Variants in ZNF888 observed in about 807,000 individuals in gnomAD.
ZNF888 encodes the protein zinc finger protein 888, also known as CTD-2331H12.6.
Under a neutral mutation model 7.2 loss-of-function variants are expected in ZNF888, and 5 were observed. That is an observed-to-expected ratio of 0.70 (90% CI 0.36 to 1.46). The LOEUF is 1.46. Ranked by LOEUF, ZNF888 falls within the 40% of genes most tolerant of loss-of-function variation. The pLI is 0.03. For synonymous variants in ZNF888, 240 were observed against 284.3 expected (o/e 0.84, Z 1.57); for missense variants, 716 against 858.0 (o/e 0.83, Z 2.07).
At chr19:52,916,627 T>TATATATATATATATATATATATAC (rs1431267956) in intron 3 of ZNF888, among the ~76,000 whole-genome samples, 1 of 142,142 alleles carries the variant, frequency 7.0e-6, no homozygotes, top group African/African-American at 2.8e-5. Context: ...TATATATATA[T>TATATATATATATATATATATATAC]ATATATATAT....
At chr19:52,922,454 G>A (rs2064832794) in intron 1 of ZNF888, among the ~76,000 whole-genome samples, 1 of 151,902 alleles carries the variant, frequency 6.6e-6, no homozygotes, top group Non-Finnish European at 1.5e-5. Context: ...ATTCTCATGA[G>A]CCTTTCTGTT....
Position 52,922,332 on chromosome 19 carries a change from C to T in ZNF888, c.-178+1037G>A, listed in dbSNP as rs191927720. 1.9e-3 allele frequency among the ~76,000 whole-genome samples: 287 copies of T among 152,038 alleles called. 5 individuals are homozygous for T. The highest frequency in any genetic ancestry group is 0.011 in the South Asian group (55 of 4,814). ...ATACCCCCCTGGCCCCACTCTCTGG[C>T]ACCCCAGATTTCCCAGGTGTCCTCC... On this transcript the variant is annotated intron_variant, in intron 1 of 4. Transcript: ENST00000638862.
At position 52,907,627 on chromosome 19, in the gene ZNF888, TG is replaced by T; in HGVS notation, c.694del (p.His232IlefsTer3). The T allele has an allele frequency of 6.2e-7, 1 of 1,601,908 alleles. No homozygotes were observed. Among genetic ancestry groups the T allele is most frequent in the Non-Finnish European group, 8.5e-7 (1 of 1,175,846 alleles). On this transcript the variant is annotated frameshift_variant, in exon 5 of 5. Transcript: ENST00000638862. LOFTEE classifies it low-confidence loss of function (END_TRUNC). ...TTTCTCTCCTAGATGAATTATCTGA[TG>T]TTTTTTAAAGAGTGAGCTACAATTA... ...SFNCSSLFKK[H>X]QIIHLGEKQY...
At chr19:52,909,542 C>T (rs1399395620) in intron 4 of ZNF888, among the ~76,000 whole-genome samples, 1 of 151,948 alleles carries the variant, frequency 6.6e-6, no homozygotes, top group Admixed American at 6.6e-5. Context: ...CCACTGCGCC[C>T]GGGGGCACTT....
At chr19:52,913,658 A>G (rs914666758) in intron 4 of ZNF888, 25 of 922,512 alleles carry the variant, frequency 2.7e-5, no homozygotes, top group Non-Finnish European at 3.1e-5. Context: ...TTATTATACT[A>G]TAAGTTTAAG....
chr19:52,915,049 A>T (rs2064728001), intron 4 of ZNF888, 147 bp downstream of exon 4: 2 of 1,346,516 alleles, frequency 1.5e-6, no homozygotes, highest in Admixed American at 5.5e-5. Context: ...GGGGACAGTG[A>T]AAGTCCAGAT....
intron 1 of ZNF888, among the ~76,000 whole-genome samples, chr19:52,919,954 T>C (rs1390298030): frequency 3.6e-5 from 2 of 56,100 alleles, no homozygotes; most frequent in African/African-American, 1.5e-4. Flanking sequence ...GAGGAGCCCC[T>C]CTGCCCGGCC....
chr19:52,916,623 TATATATATATATATATATAG>T (rs2064753900), intron 3 of ZNF888, among the ~76,000 whole-genome samples: 3 of 133,006 alleles, frequency 2.3e-5, no homozygotes, highest in Non-Finnish European at 4.7e-5. Flanking sequence ...TACATATATA[TATATATATATATATATATAG>T]GTTTTAAATA....
At chr19:52,919,359 C>G (rs1356396073) in intron 1 of ZNF888, among the ~76,000 whole-genome samples, 1 of 66,770 alleles carries the variant, frequency 1.5e-5, no homozygotes, top group African/African-American at 4.7e-5. Context: ...TTGGTGGAGA[C>G]GGGGTTTCGC....
At position 52,906,235 on chromosome 19, in the gene ZNF888, CCA is replaced by C. The variant is rs778534692; in HGVS notation, c.2085_2086del (p.Cys695TrpfsTer23). The C allele has an allele frequency of 1.7e-5, 28 of 1,610,140 alleles. No homozygotes were observed. Among genetic ancestry groups the C allele is most frequent in the Non-Finnish European group, 2.4e-5 (28 of 1,177,858 alleles). On this transcript the variant is annotated frameshift_variant, in exon 5 of 5. Transcript: ENST00000638862. LOFTEE classifies it low-confidence loss of function (END_TRUNC). ...TGTTGACTGTGCACGAAAGGCTTTG[CCA>C]CACTCACTACACTTGAAAGGTTTCT...
At chr19:52,912,251 C>T (rs534579579) in intron 4 of ZNF888, among the ~76,000 whole-genome samples, 8 of 150,454 alleles carry the variant, frequency 5.3e-5, no homozygotes, top group African/African-American at 1.7e-4. Context: ...GTAGCTGGGA[C>T]TACAGGCACC....
intron 4 of ZNF888, among the ~76,000 whole-genome samples, chr19:52,913,525 A>T (rs535928915): frequency 6.6e-6 from 1 of 152,064 alleles, no homozygotes; most frequent in Non-Finnish European, 1.5e-5. Flanking sequence ...AAGTTTCAGC[A>T]TGTTAGCTAG....
In ZNF888 at chr19:52,908,034, A is replaced by C; in HGVS notation, c.288T>G (p.Phe96Leu). 1.2e-6 allele frequency: 2 copies of C among 1,614,142 alleles called. No individual in the cohort carries two copies. The highest frequency in any genetic ancestry group is 1.3e-5 in the African/African-American group (1 of 75,050). Residue 96 changes from phenylalanine (F) to leucine (L), a missense_variant, in exon 5 of 5, where the codon TTT becomes TTG. By Grantham distance (22) the Phe-to-Leu change is conservative. Transcript: ENST00000638862. ...TTTCATCTTCTTGCCACTGAAACAC[A>C]AAGTCATGAATGTCTTTCTCAATTT... is the stretch of plus-strand genomic sequence containing the variant. ...FQEIEKDIHD[F>L]VFQWQEDETN...
chr19:52,923,027 G>A (rs548462612), intron 1 of ZNF888, among the ~76,000 whole-genome samples: 18 of 152,304 alleles, frequency 1.2e-4, no homozygotes, highest in Middle Eastern at 3.4e-3. Flanking sequence ...AGGGGCCGAC[G>A]AGGGTGAGGC....
rs1328166632 is a variant in ZNF888, at chr19:52,919,296, C to T, written c.-177-359G>A. Among the ~76,000 whole-genome samples the T allele has an allele frequency of 4.3e-4, 26 of 59,788 alleles. 10 individuals are homozygous for T. The highest frequency in any genetic ancestry group is 1.3e-3 in the Admixed American group (6 of 4,464). 39.2% of individuals were successfully genotyped at this position (59,788 alleles called of 152,430 possible). ...GATTCTCCTGCCTCAGCCTGCCGAG[C>T]GCCTGCGATTGCGGGCGCGCGCCGC... On this transcript the variant is annotated intron_variant, in intron 1 of 4. Transcript: ENST00000638862.
intron 4 of ZNF888, among the ~76,000 whole-genome samples, chr19:52,914,978 C>A (rs2064727285): frequency 6.6e-6 from 1 of 152,124 alleles, no homozygotes; most frequent in African/African-American, 2.4e-5. Flanking sequence ...AAGTTTTATG[C>A]CTACTTTAGT....
chr19:52,908,012 C>G lies in ZNF888; in HGVS notation c.310G>C (p.Glu104Gln). Residue 104 changes from glutamate (E) to glutamine (Q), a missense_variant, in exon 5 of 5, where the codon GAA becomes CAA. Physicochemically the swap from Glu to Gln is conservative, Grantham distance 29. This residue lies in a region of ZNF888 where 697 missense variants were observed against 803.4 expected (regional missense o/e 0.87). Transcript: ENST00000638862. ...ATGGGTGCTTCATGGCCATTTGTTTCATCTTCTTGCCACTGAAACACAAAG... is the reference window on the plus strand; with the variant it reads ...ATGGGTGCTTCATGGCCATTTGTTTGATCTTCTTGCCACTGAAACACAAAG... Reference protein sequence around the residue: ...HDFVFQWQEDETNGHEAPMTE... With the variant: ...HDFVFQWQEDQTNGHEAPMTE... 1 of 1,614,098 alleles carries G rather than the reference C, an allele frequency of 6.2e-7. No homozygotes were observed. Among genetic ancestry groups the G allele is most frequent in the Non-Finnish European group, 8.5e-7 (1 of 1,180,000 alleles).
chr19:52,914,704 C>T (rs2064723885), intron 4 of ZNF888, among the ~76,000 whole-genome samples: 1 of 152,160 alleles, frequency 6.6e-6, no homozygotes, highest in Admixed American at 6.5e-5. Flanking sequence ...TCTTGCTCTG[C>T]CATCTGGGCT....
Position 52,920,038 on chromosome 19 carries a change from G to A in ZNF888, c.-177-1101C>T, listed in dbSNP as rs1464214212. Among the ~76,000 whole-genome samples, 4 of 51,174 alleles carry A rather than the reference G, an allele frequency of 7.8e-5. 2 individuals carry two copies. The highest frequency in any genetic ancestry group is 8.7e-5 in the Non-Finnish European group (2 of 22,874). The allele number at this position is 51,174 out of a possible 152,430, so 33.6% of individuals were successfully genotyped here. On this transcript the variant is annotated intron_variant, in intron 1 of 4. Transcript: ENST00000638862. ...CTGGGAAGTGAGGACCCCTCTGCCCGGCCAGCCGCCCCGTCCGGGAGGGAG... is the reference window on the plus strand; with the variant it reads ...CTGGGAAGTGAGGACCCCTCTGCCCAGCCAGCCGCCCCGTCCGGGAGGGAG...
Sources: gnomAD v4.1 joint callset for allele counts (sites outside exome capture counted in the v4.1 genomes callset) on GRCh38, gnomAD v4.1.1 for gene constraint, gnomAD v4.1.1 regional missense constraint, MANE v1.5 for transcripts, NCBI Gene and HGNC (gene_info 2026-07-23, HGNC 2026-07-21) for gene names.